CELF4: variants seen among roughly 807,000 people sequenced by gnomAD.
CELF4 encodes the protein CUG-BP- and ETR-3-like factor 4.
A neutral mutation model predicts 59.9 loss-of-function variants in CELF4; 18 were observed. That is an observed-to-expected ratio of 0.30 (90% confidence interval 0.21 to 0.45). The LOEUF (loss-of-function observed/expected upper bound fraction) is 0.45, where lower values mean the gene tolerates loss of function less well. CELF4 is among the 20% of genes least tolerant of loss of function. The pLI, the probability that CELF4 is intolerant of heterozygous loss-of-function variation, is 1.00. For missense variants in CELF4, 456 were observed against 689.0 expected, an observed-to-expected ratio of 0.66 and a Z score of 3.79; for synonymous variants, 261 against 267.1, an observed-to-expected ratio of 0.98 and a Z score of 0.22.
chr18:37,328,514 A>T (rs1400776516), intron 2 of CELF4, among the ~76,000 whole-genome samples: 1 of 152,198 alleles, frequency 6.6e-6, no homozygotes, highest in African/African-American at 2.4e-5. Context: ...TCACCTCGCC[A>T]AGCTTTGGAG....
intron 11 of CELF4, among the ~76,000 whole-genome samples, chr18:37,257,869 G>A (rs151320723): frequency 5.1e-4 from 77 of 152,288 alleles, no homozygotes; most frequent in African/African-American, 1.6e-3. Context: ...AACGGATGAA[G>A]GAGAAGGATG....
At chr18:37,409,315 T>C (rs563016283) in intron 2 of CELF4, among the ~76,000 whole-genome samples, 39 of 152,264 alleles carry the variant, frequency 2.6e-4, no homozygotes, top group African/African-American at 8.7e-4. Context: ...CAGGATGTGA[T>C]GCACTGCTTC....
At chr18:37,387,410 C>A (rs1393528747) in intron 2 of CELF4, among the ~76,000 whole-genome samples, 1 of 152,230 alleles carries the variant, frequency 6.6e-6, no homozygotes, top group East Asian at 1.9e-4. Flanking sequence ...GAACCACACG[C>A]AGCCAACTGC....
At chr18:37,379,147 G>A (rs755970882) in intron 2 of CELF4, among the ~76,000 whole-genome samples, 16 of 152,148 alleles carry the variant, frequency 1.1e-4, no homozygotes, top group Non-Finnish European at 2.1e-4. Context: ...TGCCTCCCCC[G>A]GGGCCTGGCC....
intron 3 of CELF4, among the ~76,000 whole-genome samples, chr18:37,287,023 G>A (rs956115877): frequency 6.6e-6 from 1 of 152,122 alleles, no homozygotes; most frequent in Non-Finnish European, 1.5e-5. Flanking sequence ...AGCCCTTCAG[G>A]GATGAACAAC....
At chr18:37,435,880 G>A (rs2099690025) in intron 2 of CELF4, among the ~76,000 whole-genome samples, 1 of 152,186 alleles carries the variant, frequency 6.6e-6, no homozygotes, top group African/African-American at 2.4e-5. Context: ...AGCCTATAGG[G>A]AGGAGAAGAG....
chr18:37,534,296 G>A (rs2099971772), intron 1 of CELF4, among the ~76,000 whole-genome samples: 1 of 152,134 alleles, frequency 6.6e-6, no homozygotes, highest in Non-Finnish European at 1.5e-5. Flanking sequence ...CTGGGGAGGG[G>A]GAAGGGCAGG....
chr18:37,275,688 T>C (rs955138894), intron 3 of CELF4: 1 of 178,198 alleles, frequency 5.6e-6, no homozygotes, highest in African/African-American at 2.4e-5. Context: ...TTCGGGCCTT[T>C]GCAGATGCTG....
intron 3 of CELF4, among the ~76,000 whole-genome samples, chr18:37,321,088 G>C (rs562726422): frequency 9.9e-5 from 15 of 152,174 alleles, no homozygotes; most frequent in South Asian, 2.1e-4. Context: ...GCTGGGATGG[G>C]GGGGGCAGTA....
chr18:37,546,822 C>T (rs2099981556), intron 1 of CELF4, among the ~76,000 whole-genome samples: 1 of 152,322 alleles, frequency 6.6e-6, no homozygotes, highest in South Asian at 2.1e-4. Context: ...TGCCATAGTC[C>T]CCAGAGGTGT....
intron 2 of CELF4, among the ~76,000 whole-genome samples, chr18:37,424,850 C>T (rs1418266797): frequency 6.6e-6 from 1 of 152,176 alleles, no homozygotes; most frequent in Non-Finnish European, 1.5e-5. Context: ...GGGCTCCACA[C>T]ACTCCTGACC....
chr18:37,457,425 G>A (rs761520366), intron 2 of CELF4, among the ~76,000 whole-genome samples: 26 of 152,134 alleles, frequency 1.7e-4, no homozygotes, highest in African/African-American at 2.4e-4. Flanking sequence ...GAGTGCCGCT[G>A]GGCATCTGGG....
intron 2 of CELF4, among the ~76,000 whole-genome samples, chr18:37,481,511 T>G (rs1171369906): frequency 2.0e-5 from 3 of 152,178 alleles, no homozygotes; most frequent in Non-Finnish European, 4.4e-5. Context: ...AAAGTCCCAA[T>G]GGCTGGAGGA....
intron 2 of CELF4, among the ~76,000 whole-genome samples, chr18:37,352,884 G>C (rs540237067): frequency 6.6e-6 from 1 of 152,106 alleles, no homozygotes; most frequent in Non-Finnish European, 1.5e-5. Flanking sequence ...GTGGAACAGC[G>C]CCTTGCCATT....
intron 2 of CELF4, among the ~76,000 whole-genome samples, chr18:37,469,612 C>A (rs750320406): frequency 5.3e-5 from 8 of 152,164 alleles, no homozygotes; most frequent in Admixed American, 3.3e-4. Context: ...AAGCACATCG[C>A]ATTAGCTCAG....
At chr18:37,264,587 G>C in intron 10 of CELF4, 87 bp downstream of exon 10, 2 of 1,154,200 alleles carry the variant, frequency 1.7e-6, no homozygotes, top group Non-Finnish European at 2.5e-6. Flanking sequence ...CCTTTCCAAC[G>C]CACACCCCAG....
intron 1 of CELF4, among the ~76,000 whole-genome samples, chr18:37,500,824 A>G (rs529214026): frequency 1.6e-4 from 25 of 152,092 alleles, no homozygotes; most frequent in East Asian, 7.8e-4. Context: ...GTGAGCCACC[A>G]CACCTGGTCA....
chr18:37,274,064 C>T lies in CELF4; in HGVS notation c.801+247G>A, dbSNP rs977499366. ...TAACCCACTTTTCTGTGGGGCCTCTCTCAGCTCTGCCCCTTAGAACTAAGA... is the reference window on the plus strand; with the variant it reads ...TAACCCACTTTTCTGTGGGGCCTCTTTCAGCTCTGCCCCTTAGAACTAAGA... On this transcript the variant is annotated intron_variant, in intron 6 of 12. Transcript: ENST00000420428. 59 of 1,341,324 alleles carry T rather than the reference C, an allele frequency of 4.4e-5. No individual in the cohort carries two copies. The Middle Eastern group carries it at 1.9e-3, about 44-fold the overall frequency. 83.1% of individuals were successfully genotyped at this position (1,341,324 alleles called of 1,614,324 possible). A position where few individuals can be genotyped will look rare whatever the true frequency, so the allele number is the denominator to read the frequency against.
Position 37,273,326 on chromosome 18 carries a change from C to G in CELF4, c.802-163G>C, listed in dbSNP as rs2092207374. On this transcript the variant is annotated intron_variant, in intron 6 of 12. Transcript: ENST00000420428. ...TGCCTCTCCCATTCTTGCCCTGTAC[C>G]TCAACAGCTATTAGAGTCCACCACC... 1.7e-5 allele frequency: 24 copies of G among 1,423,522 alleles called. 1 individual carries two copies. The South Asian group carries it at 3.9e-4, about 23-fold the overall frequency. The allele number at this position is 1,423,522 out of a possible 1,614,324, so 88.2% of individuals were successfully genotyped here.
Sources: gnomAD v4.1 joint callset for allele counts (sites outside exome capture counted in the v4.1 genomes callset) on GRCh38, gnomAD v4.1.1 for gene constraint, MANE v1.5 for transcripts, NCBI Gene and HGNC (gene_info 2026-07-23, HGNC 2026-07-21) for gene names.